KIAA1958: variants seen among roughly 807,000 people sequenced by gnomAD.
KIAA1958 encodes the protein KIAA1958.
In KIAA1958, 14 loss-of-function variants were observed where a neutral mutation model predicts 47.2. The ratio of observed to expected loss-of-function variants is 0.30; its 90% CI spans 0.20 to 0.46. The LOEUF (loss-of-function observed/expected upper bound fraction) is 0.46. Among genes scored for constraint, KIAA1958 ranks in the 20% least tolerant of loss-of-function variants. KIAA1958 has a pLI of 1.00. For missense variants in KIAA1958, 803 were observed against 909.2 expected (o/e 0.88, Z 1.50); for synonymous variants, 354 against 353.3 (o/e 1.00, Z -0.02).
chr9:112,658,926 A>G (rs930945952), intron 3 of KIAA1958, among the ~76,000 whole-genome samples: 2 of 147,646 alleles, frequency 1.4e-5, no homozygotes, highest in African/African-American at 5.0e-5. Flanking sequence ...AGGCTGAGGC[A>G]GGAGAATGGC....
intron 2 of KIAA1958, among the ~76,000 whole-genome samples, chr9:112,615,440 G>A (rs1273954734): frequency 2.7e-5 from 4 of 150,512 alleles, no homozygotes; most frequent in East Asian, 3.9e-4. Context: ...AAAAAAAGAG[G>A]AGCAACTCTA....
At chr9:112,487,392 G>A (rs898660627) in intron 1 of KIAA1958, among the ~76,000 whole-genome samples, 9 of 151,434 alleles carry the variant, frequency 5.9e-5, no homozygotes, top group African/African-American at 2.2e-4. Flanking sequence ...CGCCTGCCCC[G>A]GGCCGCCCCG....
At chr9:112,572,949 C>A (rs905369212) in intron 1 of KIAA1958, among the ~76,000 whole-genome samples, 1 of 152,168 alleles carries the variant, frequency 6.6e-6, no homozygotes, top group Non-Finnish European at 1.5e-5. Context: ...TGCCTGACTG[C>A]AGAGCACCAG....
intron 1 of KIAA1958, among the ~76,000 whole-genome samples, chr9:112,513,014 T>C: frequency 6.8e-6 from 1 of 146,014 alleles, no homozygotes; most frequent in African/African-American, 2.5e-5. Flanking sequence ...ATTTTTTTTT[T>C]TTTTTTTTGA....
chr9:112,634,693 ATCT>A (rs561721202), intron 2 of KIAA1958, among the ~76,000 whole-genome samples: 20 of 152,318 alleles, frequency 1.3e-4, no homozygotes, highest in Non-Finnish European at 2.6e-4. Context: ...GTACCACAAC[ATCT>A]TCTGCCACTG....
chr9:112,606,101 G>T (rs903800320), intron 2 of KIAA1958, among the ~76,000 whole-genome samples: 13 of 152,134 alleles, frequency 8.5e-5, no homozygotes, highest in African/African-American at 3.1e-4. Context: ...AGGTAGCTCG[G>T]CAGGACCTGA....
At chr9:112,523,218 A>T (rs1834581822) in intron 1 of KIAA1958, among the ~76,000 whole-genome samples, 1 of 152,090 alleles carries the variant, frequency 6.6e-6, no homozygotes, top group African/African-American at 2.4e-5. Context: ...AGTTACCTGG[A>T]AATTGGTTGT....
intron 2 of KIAA1958, among the ~76,000 whole-genome samples, chr9:112,611,356 T>G (rs956470671): frequency 2.0e-4 from 30 of 152,254 alleles, no homozygotes; most frequent in Admixed American, 1.9e-3. Flanking sequence ...AACCCAAGAT[T>G]ATCAACTAAA....
At chr9:112,633,059 A>G (rs1203716385) in intron 2 of KIAA1958, among the ~76,000 whole-genome samples, 1 of 152,106 alleles carries the variant, frequency 6.6e-6, no homozygotes. Flanking sequence ...AACAATTTGA[A>G]TTAGAGTCTT....
chr9:112,601,006 G>C (rs1836121821), intron 2 of KIAA1958, among the ~76,000 whole-genome samples: 1 of 152,188 alleles, frequency 6.6e-6, no homozygotes. Flanking sequence ...AGCTCATTAA[G>C]TGGCAGAGCT....
chr9:112,544,048 T>C (rs1834988935), intron 1 of KIAA1958, among the ~76,000 whole-genome samples: 1 of 152,210 alleles, frequency 6.6e-6, no homozygotes, highest in Non-Finnish European at 1.5e-5. Flanking sequence ...CTTGTCTATG[T>C]CTCTATTGTC....
intron 2 of KIAA1958, among the ~76,000 whole-genome samples, chr9:112,585,779 C>A (rs1835813635): frequency 6.6e-6 from 1 of 152,130 alleles, no homozygotes; most frequent in Admixed American, 6.6e-5. Context: ...ACACATATTC[C>A]CTGTCCAAAG....
At chr9:112,498,013 A>G (rs909603812) in intron 1 of KIAA1958, among the ~76,000 whole-genome samples, 17 of 152,186 alleles carry the variant, frequency 1.1e-4, no homozygotes, top group African/African-American at 3.9e-4. Context: ...CAATAATCTG[A>G]TTAGTAATAG....
At chr9:112,598,231 T>G (rs556619457) in intron 2 of KIAA1958, among the ~76,000 whole-genome samples, 14 of 152,260 alleles carry the variant, frequency 9.2e-5, no homozygotes, top group Non-Finnish European at 1.9e-4. Context: ...AGAGCGAAGA[T>G]GCCTTAAGAT....
chr9:112,513,361 CTT>C (rs1834355709), intron 1 of KIAA1958, among the ~76,000 whole-genome samples: 1 of 148,536 alleles, frequency 6.7e-6, no homozygotes, highest in African/African-American at 2.5e-5. Flanking sequence ...ATTGGGAAGA[CTT>C]TTCTCAGCAG....
intron 1 of KIAA1958, among the ~76,000 whole-genome samples, chr9:112,502,115 G>A (rs1834152212): frequency 6.6e-6 from 1 of 152,082 alleles, no homozygotes; most frequent in Admixed American, 6.5e-5. Context: ...AGGAGGGGAG[G>A]AAGTTATTCT....
chr9:112,647,059 A>G lies in KIAA1958; in HGVS notation c.1344+1237A>G, dbSNP rs886992831. ...GAGTGATGTGCTTAGGGAATCAACAACAGATGAAATAGGACAGGAAACCCA... is the reference window on the plus strand; with the variant it reads ...GAGTGATGTGCTTAGGGAATCAACAGCAGATGAAATAGGACAGGAAACCCA... On this transcript the variant is annotated intron_variant, in intron 3 of 3. Transcript: ENST00000337530. Among the ~76,000 whole-genome samples the G allele has an allele frequency of 1.6e-4, 25 of 152,288 alleles. No individual in the cohort carries two copies. The East Asian group carries it at 3.9e-3, about 24-fold the overall frequency.
At chr9:112,570,044 G>A (rs1835506809) in intron 1 of KIAA1958, among the ~76,000 whole-genome samples, 1 of 152,220 alleles carries the variant, frequency 6.6e-6, no homozygotes, top group African/African-American at 2.4e-5. Context: ...TAAACAGTGG[G>A]AATGATTTTG....
At chr9:112,581,163 C>T (rs1221460347) in intron 2 of KIAA1958, among the ~76,000 whole-genome samples, 1 of 152,180 alleles carries the variant, frequency 6.6e-6, no homozygotes, top group African/African-American at 2.4e-5. Context: ...TACGTCATTT[C>T]ACTTCTCTGA....
Sources: allele counts gnomAD v4.1 joint callset (sites outside exome capture counted in the v4.1 genomes callset), GRCh38; gene constraint gnomAD v4.1.1; transcripts MANE v1.5; gene names NCBI Gene and HGNC (gene_info 2026-07-23, HGNC 2026-07-21).